The following ZBBX variants were observed in gnomAD, a reference collection of about 807,000 sequenced individuals.
The protein encoded by ZBBX is zinc finger B-box domain-containing protein 1.
In ZBBX, 101 loss-of-function variants were observed where a neutral mutation model predicts 108.5. The ratio of observed to expected loss-of-function variants is 0.93; its 90% CI spans 0.79 to 1.10. The LOEUF (loss-of-function observed/expected upper bound fraction) is 1.10. Among genes scored for constraint, ZBBX ranks in the 50% least tolerant of loss-of-function variants. ZBBX has a pLI of 0.00. For missense variants in ZBBX, 1,009 were observed against 941.4 expected, an observed-to-expected ratio of 1.07 and a Z score of -0.94; for synonymous variants, 356 against 323.4, an observed-to-expected ratio of 1.10 and a Z score of -1.08.
chr3:167,367,429 C>T (rs546752160), intron 5 of ZBBX, among the ~76,000 whole-genome samples: 37 of 151,712 alleles, frequency 2.4e-4, no homozygotes, highest in African/African-American at 8.2e-4. Context: ...AAAATAAATG[C>T]TATTATATCC....
the ZBBX span, among the ~76,000 whole-genome samples, chr3:167,216,469 A>G: frequency 6.6e-6 from 1 of 152,156 alleles, no homozygotes. Flanking sequence ...CAAAGAAATC[A>G]AAGAAGACAC....
the ZBBX span, among the ~76,000 whole-genome samples, chr3:167,215,500 C>T: frequency 6.6e-6 from 1 of 151,786 alleles, no homozygotes; most frequent in Admixed American, 6.6e-5. Context: ...GCCTAACAAC[C>T]AAAAAAATCC....
At chr3:167,198,548 TG>T in the ZBBX span, among the ~76,000 whole-genome samples, 1 of 151,968 alleles carries the variant, frequency 6.6e-6, no homozygotes. Flanking sequence ...AACAGAAAAA[TG>T]AATTAAGTTT....
chr3:167,218,433 C>T, the ZBBX span, among the ~76,000 whole-genome samples: 5 of 151,860 alleles, frequency 3.3e-5, no homozygotes, highest in Admixed American at 6.6e-5. Context: ...AGACATAGTA[C>T]AATAAAAAAT....
Position 167,368,453 on chromosome 3 carries a change from T to C in ZBBX, c.182+8A>G, listed in dbSNP as rs1745671845. ...ATTCATCTAAAATTCTCTAAGAGTT[T>C]CACTCACTCTCTATCTTCCTTTTCT... On this transcript the variant is annotated splice_region_variant and intron_variant, in intron 5 of 21. Transcript: ENST00000675490. The C allele has an allele frequency of 6.3e-7, 1 of 1,588,086 alleles. No homozygotes were observed. The highest frequency in any genetic ancestry group is 1.7e-5 in the Admixed American group (1 of 59,764).
intron 9 of ZBBX, among the ~76,000 whole-genome samples, chr3:167,347,954 G>A (rs1357070382): frequency 4.0e-5 from 6 of 151,880 alleles, no homozygotes; most frequent in Non-Finnish European, 5.9e-5. Flanking sequence ...AAGAATCATA[G>A]TTCCTTGCCA....
intron 20 of ZBBX, chr3:167,248,541 G>T (rs952259042): frequency 1.1e-5 from 5 of 434,886 alleles, no homozygotes; most frequent in Non-Finnish European, 2.3e-5. Flanking sequence ...CCTGCTGACT[G>T]ATAACTGCAA....
intron 2 of ZBBX, 89 bp from the exon 3 acceptor site, chr3:167,373,876 T>A (rs1342251767): frequency 1.3e-5 from 2 of 152,114 alleles, no homozygotes; most frequent in African/African-American, 2.4e-5. Flanking sequence ...TATTATTTTT[T>A]AAAAAATTAT....
Position 167,283,721 on chromosome 3 carries a change from C to A in ZBBX, c.1997-1226G>T, listed in dbSNP as rs371080499. On this transcript the variant is annotated intron_variant, in intron 19 of 21. Coordinates refer to ENST00000675490, the MANE Select transcript of ZBBX (RefSeq NM_001199201.2). ...AGTGCAGTGGCACGATCTCGGCTCA[C>A]TGCAACCTTTGCCTCCCAGGTTCAA... 1.7e-4 allele frequency among the ~76,000 whole-genome samples: 26 copies of A among 152,298 alleles called. No homozygotes were observed. The East Asian group carries it at 4.8e-3, about 28-fold the overall frequency.
chr3:167,315,342 G>T (rs1311162668), intron 15 of ZBBX, among the ~76,000 whole-genome samples: 1 of 152,146 alleles, frequency 6.6e-6, no homozygotes, highest in South Asian at 2.1e-4. Flanking sequence ...AGCTCTTTTA[G>T]TCTCTCAGCC....
chr3:167,291,154 C>CATTCCCCAACCTACCAAGACAGGTA (rs1730625430), intron 18 of ZBBX, among the ~76,000 whole-genome samples: 3 of 152,060 alleles, frequency 2.0e-5, no homozygotes, highest in African/African-American at 7.2e-5. Context: ...TCCAAGAGAA[C>CATTCCCCAACCTACCAAGACAGGTA]TTCCCCAACC....
At chr3:167,325,983 GC>G (rs1335031947) in intron 11 of ZBBX, among the ~76,000 whole-genome samples, 2 of 152,072 alleles carry the variant, frequency 1.3e-5, no homozygotes, top group African/African-American at 4.8e-5. Flanking sequence ...CTTTTTGGAG[GC>G]CAGTTTGACA....
chr3:167,302,822 T>A (rs1288053856), intron 17 of ZBBX, among the ~76,000 whole-genome samples: 2 of 152,312 alleles, frequency 1.3e-5, no homozygotes, highest in East Asian at 1.9e-4. Flanking sequence ...CCACGTGACA[T>A]CTGCACATAC....
At chr3:167,377,157 C>G (rs549741730) in intron 2 of ZBBX, among the ~76,000 whole-genome samples, 1 of 152,190 alleles carries the variant, frequency 6.6e-6, no homozygotes, top group South Asian at 2.1e-4. Flanking sequence ...CCAATATAAC[C>G]CAAAATTGTC....
intron 11 of ZBBX, 89 bp from the exon 12 acceptor site, chr3:167,322,326 T>G (rs577456224): frequency 1.8e-6 from 2 of 1,142,436 alleles, no homozygotes; most frequent in African/African-American, 1.6e-5. Flanking sequence ...TCATCATTTT[T>G]GGGGCATATA....
the ZBBX span, among the ~76,000 whole-genome samples, chr3:167,218,932 A>C: frequency 6.6e-6 from 1 of 152,082 alleles, no homozygotes. Context: ...CAACGTATGG[A>C]GAAAGATATT....
intron 20 of ZBBX, among the ~76,000 whole-genome samples, chr3:167,247,140 C>G (rs1721713046): frequency 6.6e-6 from 1 of 152,190 alleles, no homozygotes; most frequent in Non-Finnish European, 1.5e-5. Context: ...ACATCCCCAT[C>G]CTGGGCCTAT....
the ZBBX span, among the ~76,000 whole-genome samples, chr3:167,227,195 G>A: frequency 4.0e-5 from 6 of 151,790 alleles, no homozygotes; most frequent in South Asian, 6.2e-4. Flanking sequence ...ATATTCCTAC[G>A]CAGAGTCTAG....
chr3:167,389,758 G>C (rs1009980471), intron 1 of ZBBX, among the ~76,000 whole-genome samples: 5 of 151,802 alleles, frequency 3.3e-5, no homozygotes, highest in African/African-American at 1.2e-4. Context: ...CATGTTTTTG[G>C]CCACACAAAT....
Sources: allele counts gnomAD v4.1 joint callset (sites outside exome capture counted in the v4.1 genomes callset), GRCh38; gene constraint gnomAD v4.1.1; transcripts MANE v1.5; gene names NCBI Gene and HGNC (gene_info 2026-07-23, HGNC 2026-07-21).